DNAH8: variants seen among roughly 807,000 people sequenced by gnomAD.
DNAH8 encodes the protein dynein axonemal heavy chain 8.
A neutral mutation model predicts 562.1 loss-of-function variants in DNAH8; 382 were observed. The observed-to-expected ratio is 0.68, with a 90% CI of 0.63 to 0.74. The LOEUF (loss-of-function observed/expected upper bound fraction) is 0.74. Ranked by LOEUF, DNAH8 falls within the 30% of genes least tolerant of loss-of-function variation. The pLI is 0.00. For synonymous variants in DNAH8, 1,881 were observed against 1,919.4 expected (o/e 0.98, Z 0.52); for missense variants, 5,203 against 5,620.4 (o/e 0.93, Z 2.37).
intron 71 of DNAH8, 26 bp from the exon 72 acceptor site, chr6:38,923,032 G>A: frequency 3.1e-6 from 5 of 1,595,266 alleles, no homozygotes; most frequent in Non-Finnish European, 4.3e-6. Context: ...AAAGTTTTTT[G>A]AGACATTCTC....
Position 38,984,224 on chromosome 6 carries a change from G to T in DNAH8, c.12970G>T (p.Val4324Phe), listed in dbSNP as rs1401972958. ...AATAAAGGGTGTATCATGGAATACG[G>T]TTCGGTACATGATCGGAGAAGTACA... The part of the protein sequence containing the change: ...DIKKGVSWNT[V>F]RYMIGEVQYG... The change falls in exon 87 of 93, where the codon GTT becomes TTT. Residue 4324 changes from valine to phenylalanine, a missense_variant. Val to Phe is a conservative substitution (Grantham distance 50, BLOSUM62 -1). This residue lies in a region of DNAH8 where 1,399 missense variants were observed against 1,518.4 expected (regional missense o/e 0.92). Coordinates refer to ENST00000327475, the MANE Select transcript of DNAH8 (RefSeq NM_001206927.2). 3.1e-6 allele frequency: 5 copies of T among 1,595,408 alleles called. No homozygotes were observed. The East Asian group carries it at 1.1e-4, about 36-fold the overall frequency.
rs146884052 is a variant in DNAH8 at position 38,775,848 on chromosome 6, T to C, written c.1859T>C (p.Ile620Thr). ...ATTATGGCAATAAAATTCAGAAATA[T>C]ATACCAAGGGGTTAAGAAAAAGCAA... is the stretch of plus-strand genomic sequence containing the variant. ...IDIMAIKFRN[I>T]YQGVKKKQYD... Residue 620 changes from isoleucine to threonine, a missense_variant, in exon 13 of 93, where the codon ATA becomes ACA. Ile to Thr is a moderately conservative substitution (Grantham distance 89). Transcript: ENST00000327475. 6.2e-6 allele frequency: 10 copies of C among 1,607,778 alleles called. No homozygotes were observed. Among genetic ancestry groups the C allele is most frequent in the Non-Finnish European group, 6.0e-6 (7 of 1,174,582 alleles).
At position 38,851,665 on chromosome 6, in the gene DNAH8, C is replaced by T; in HGVS notation, c.5457C>T (p.His1819=). Residue 1819 remains histidine, a synonymous_variant, in exon 39 of 93, where the codon CAC becomes CAT. Coordinates refer to ENST00000327475, the MANE Select transcript of DNAH8 (RefSeq NM_001206927.2). ...TTCTTGGACAAGCCAGTGATTCCCA[C>T]ACCATACAGGTATAATCTAAGAATC... The part of the protein sequence containing the change: ...LEILGQASDS[H]TIQPHLPAVS... 1.3e-6 allele frequency: 2 copies of T among 1,598,066 alleles called. No homozygotes were observed. Among genetic ancestry groups the T allele is most frequent in the Non-Finnish European group, 8.6e-7 (1 of 1,166,484 alleles).
chr6:38,739,664 A>T (rs1316695774), intron 7 of DNAH8, among the ~76,000 whole-genome samples: 1 of 152,160 alleles, frequency 6.6e-6, no homozygotes, highest in Non-Finnish European at 1.5e-5. Context: ...AAAGAAAAGA[A>T]AAAACATAGA....
At chr6:38,974,624 G>A (rs566424882) in intron 85 of DNAH8, 95 bp downstream of exon 85, 66 of 930,570 alleles carry the variant, frequency 7.1e-5, no homozygotes, top group South Asian at 9.6e-5. Flanking sequence ...ATCCGTTGCC[G>A]CTCTGTCTCC....
At chr6:39,029,944 T>C (rs1767556354) in intron 92 of DNAH8, among the ~76,000 whole-genome samples, 161 bp from the exon 93 acceptor site, 1 of 152,184 alleles carries the variant, frequency 6.6e-6, no homozygotes, top group South Asian at 2.1e-4. Context: ...AAAACTGGGC[T>C]CAGTATTTCA....
chr6:38,723,561 AC>A, intron 3 of DNAH8, 90 bp downstream of exon 3: 1 of 1,449,088 alleles, frequency 6.9e-7, no homozygotes. Context: ...AGCAACAACA[AC>A]AACAAAAATC....
At chr6:38,989,238 C>A (rs1221615965) in intron 87 of DNAH8, among the ~76,000 whole-genome samples, 4 of 152,248 alleles carry the variant, frequency 2.6e-5, no homozygotes, top group African/African-American at 7.2e-5. Context: ...TCCACTCTTC[C>A]TGTCTTCCCA....
rs1773471315 is a variant in DNAH8, at chr6:38,827,730, AAACTTTTTTT to A, written c.4084-453_4084-444del. 6.6e-5 allele frequency among the ~76,000 whole-genome samples: 3 copies of A among 45,642 alleles called. 1 individual carries two copies. Among genetic ancestry groups the A allele is most frequent in the African/African-American group, 1.9e-4 (2 of 10,436 alleles). The allele number at this position is 45,642 out of a possible 152,430, so 29.9% of individuals were successfully genotyped here. A position where few individuals can be genotyped will look rare whatever the true frequency, so the allele number is the denominator to read the frequency against. On this transcript the variant is annotated intron_variant, in intron 29 of 92. Coordinates refer to ENST00000327475, the MANE Select transcript of DNAH8 (RefSeq NM_001206927.2). ...GACTGCAAAAGCTTAATTCTTTACC[AAACTTTTTTT>A]TTTTTTTTTTTTTTTTTTTTTTTTT...
In DNAH8 at chr6:38,782,873, T is replaced by C. The variant is rs1582992493; in HGVS notation, c.2260-131T>C. 9 of 815,046 alleles carry C rather than the reference T, an allele frequency of 1.1e-5. No homozygotes were observed. In the East Asian group the frequency reaches 2.2e-4, roughly 20 times the overall value. The allele number at this position is 815,046 out of a possible 1,614,324, so 50.5% of individuals were successfully genotyped here. A position where few individuals can be genotyped will look rare whatever the true frequency, so the allele number is the denominator to read the frequency against. On this transcript the variant is annotated intron_variant, in intron 16 of 92. Coordinates refer to ENST00000327475, the MANE Select transcript of DNAH8 (RefSeq NM_001206927.2). ...CTGATATGGCCTTCCCCATCTCTGT[T>C]TTACTGTGAGGCAGAATCTAAACTG...
intron 7 of DNAH8, among the ~76,000 whole-genome samples, chr6:38,739,799 T>TTTA (rs1764384434): frequency 6.6e-6 from 1 of 152,224 alleles, no homozygotes; most frequent in Non-Finnish European, 1.5e-5. Flanking sequence ...TCTTTCTAGT[T>TTTA]TTACCCTGTC....
At chr6:38,958,027 G>A (rs1030861876) in intron 82 of DNAH8, among the ~76,000 whole-genome samples, 3 of 151,666 alleles carry the variant, frequency 2.0e-5, no homozygotes, top group African/African-American at 7.3e-5. Context: ...TTTTTTTTAT[G>A]AAGTCTTGTT....
intron 35 of DNAH8, among the ~76,000 whole-genome samples, chr6:38,844,231 G>A (rs1373625928): frequency 6.6e-6 from 1 of 152,146 alleles, no homozygotes; most frequent in Non-Finnish European, 1.5e-5. Flanking sequence ...CCTCAGGCCT[G>A]TGTTTCAGCT....
chr6:38,870,413 G>A lies in DNAH8; in HGVS notation c.6841G>A (p.Glu2281Lys). ...TATGCCACCTTAGGTTGATGAAGAT[G>A]AACCCCTGTTCCTCAGCTTAATCAA... is the stretch of plus-strand genomic sequence containing the variant. ...MNLSKLVDEDEPLFLSLINDL... is the reference protein window; with the variant it reads ...MNLSKLVDEDKPLFLSLINDL... The change falls in exon 49 of 93, where the codon GAA (glutamate) becomes AAA (lysine). Residue 2281 changes from glutamate to lysine, a missense_variant. By Grantham distance (56) the Glu-to-Lys change is moderately conservative. Around this residue, in one of 6 missense-constraint regions of DNAH8, gnomAD observed 2,176 missense variants for 2,365.1 expected, o/e 0.92. Transcript: ENST00000327475. 1 of 1,612,870 alleles carries A rather than the reference G, an allele frequency of 6.2e-7. No individual in the cohort carries two copies. The highest frequency in any genetic ancestry group is 1.1e-5 in the South Asian group (1 of 90,742).
intron 21 of DNAH8, among the ~76,000 whole-genome samples, chr6:38,801,119 C>T (rs751629950): frequency 1.5e-4 from 23 of 152,012 alleles, no homozygotes; most frequent in Admixed American, 3.3e-4. Flanking sequence ...GATAACTTTG[C>T]GTAATCCAAG....
rs747224041 is a variant in DNAH8, at chr6:38,860,476, C to T, written c.5978C>T (p.Ser1993Leu). 7 of 1,437,396 alleles carry T rather than the reference C, an allele frequency of 4.9e-6. No homozygotes were observed. In the South Asian group the frequency reaches 8.3e-5, roughly 17 times the overall value. 89.0% of individuals were successfully genotyped at this position (1,437,396 alleles called of 1,614,324 possible). A position where few individuals can be genotyped will look rare whatever the true frequency, so the allele number is the denominator to read the frequency against. ...FDDLVKMHIK[S>L]PTDFEWLKQS... ...TTTAAGGTAAAAATGCATATCAAAT[C>T]ACCTACTGACTTTGAATGGCTAAAA... Residue 1993 changes from serine to leucine, a missense_variant, in exon 43 of 93, where the codon TCA becomes TTA. Around this residue, in one of 6 missense-constraint regions of DNAH8, gnomAD observed 2,176 missense variants for 2,365.1 expected, o/e 0.92. Coordinates refer to ENST00000327475, the MANE Select transcript of DNAH8 (RefSeq NM_001206927.2).
At chr6:38,841,961 T>C (rs1326692391) in intron 33 of DNAH8, among the ~76,000 whole-genome samples, 1 of 152,162 alleles carries the variant, frequency 6.6e-6, no homozygotes, top group Non-Finnish European at 1.5e-5. Flanking sequence ...TCAAGGGAAA[T>C]GTTCTCATAA....
chr6:38,891,818 T>C (rs1359610072), intron 58 of DNAH8, among the ~76,000 whole-genome samples: 2 of 152,342 alleles, frequency 1.3e-5, no homozygotes, highest in East Asian at 1.9e-4. Context: ...TCCATCAGTT[T>C]CTTTTGGTAT....
In DNAH8 at chr6:38,924,099, A is replaced by G; in HGVS notation, c.10899A>G (p.Arg3633=). 6.2e-7 allele frequency: 1 copy of G among 1,614,082 alleles called. No homozygotes were observed. Among genetic ancestry groups the G allele is most frequent in the Non-Finnish European group, 8.5e-7 (1 of 1,179,938 alleles). ...AAGATCAATGGGAAATGGAGTTGAG[A>G]GCACGGAAAATTCCTTTCACAGAAA... The part of the protein sequence containing the change: ...LLKDQWEMEL[R]ARKIPFTENL... Residue 3633 remains arginine (R), a synonymous_variant, in exon 73 of 93, where the codon AGA becomes AGG. Transcript: ENST00000327475.
Sources: gnomAD v4.1 joint callset for allele counts (sites outside exome capture counted in the v4.1 genomes callset) on GRCh38, gnomAD v4.1.1 for gene constraint, gnomAD v4.1.1 regional missense constraint, MANE v1.5 for transcripts, NCBI Gene and HGNC (gene_info 2026-07-23, HGNC 2026-07-21) for gene names.